Variants in ARHGAP15 observed in about 807,000 individuals in gnomAD.
The protein encoded by ARHGAP15 is rho GTPase-activating protein 15.
A neutral mutation model predicts 63.7 loss-of-function variants in ARHGAP15; 51 were observed. That is an observed-to-expected ratio of 0.80 (90% CI 0.64 to 1.01). The LOEUF is 1.01. ARHGAP15 is among the 50% of genes least tolerant of loss of function. The probability of loss-of-function intolerance (pLI) is 0.00; values close to 1 mark genes in which losing one functional copy is unlikely to be tolerated. For missense variants in ARHGAP15, 560 were observed against 564.6 expected, an observed-to-expected ratio of 0.99 and a Z score of 0.08; for synonymous variants, 191 against 193.8, an observed-to-expected ratio of 0.99 and a Z score of 0.12.
chr2:143,159,551 A>G (rs1232412381), intron 2 of ARHGAP15, among the ~76,000 whole-genome samples: 1 of 151,964 alleles, frequency 6.6e-6, no homozygotes, highest in Non-Finnish European at 1.5e-5. Flanking sequence ...GGCATCTCAA[A>G]CAAAGGTAAT....
At chr2:143,134,658 G>A (rs1300630112) in intron 1 of ARHGAP15, among the ~76,000 whole-genome samples, 5 of 137,322 alleles carry the variant, frequency 3.6e-5, no homozygotes, top group African/African-American at 8.2e-5. Context: ...TTTTTGAGAC[G>A]GAGTCTCACT....
intron 13 of ARHGAP15, among the ~76,000 whole-genome samples, chr2:143,766,009 A>G (rs937810292): frequency 1.3e-5 from 2 of 152,222 alleles, no homozygotes. Flanking sequence ...AGTATGTGCC[A>G]TGAGCTTGCT....
intron 12 of ARHGAP15, among the ~76,000 whole-genome samples, chr2:143,688,912 A>C (rs1683469699): frequency 6.6e-6 from 1 of 152,184 alleles, no homozygotes; most frequent in Non-Finnish European, 1.5e-5. Flanking sequence ...AGAATATATC[A>C]AGATAGTATA....
At chr2:143,352,307 C>A (rs1392006353) in intron 6 of ARHGAP15, among the ~76,000 whole-genome samples, 1 of 152,092 alleles carries the variant, frequency 6.6e-6, no homozygotes, top group Non-Finnish European at 1.5e-5. Flanking sequence ...TAAGAAGCTA[C>A]TACCAGAAAA....
intron 13 of ARHGAP15, among the ~76,000 whole-genome samples, chr2:143,707,908 A>AATGTAGAAAAGACTATAAAAATATTT (rs1684404988): frequency 6.6e-6 from 1 of 152,230 alleles, no homozygotes; most frequent in African/African-American, 2.4e-5. Context: ...AAAAGTTGTG[A>AATGTAGAAAAGACTATAAAAATATTT]ATGTAGAAAA....
chr2:143,652,058 G>T (rs930411268), intron 12 of ARHGAP15, among the ~76,000 whole-genome samples: 5 of 151,620 alleles, frequency 3.3e-5, no homozygotes, highest in African/African-American at 9.7e-5. Flanking sequence ...GTCCACTTTG[G>T]GTCATTGATC....
intron 6 of ARHGAP15, among the ~76,000 whole-genome samples, chr2:143,269,121 C>T (rs555686987): frequency 1.3e-5 from 2 of 152,216 alleles, no homozygotes; most frequent in East Asian, 1.9e-4. Context: ...GGGTTCATTA[C>T]GTTCAAATTC....
chr2:143,636,388 C>T (rs1680316356), intron 12 of ARHGAP15, among the ~76,000 whole-genome samples: 1 of 152,074 alleles, frequency 6.6e-6, no homozygotes, highest in African/African-American at 2.4e-5. Flanking sequence ...GTGCTTGTGT[C>T]ATGTTATGAA....
intron 6 of ARHGAP15, among the ~76,000 whole-genome samples, chr2:143,338,531 T>C (rs1433729004): frequency 6.6e-6 from 1 of 152,180 alleles, no homozygotes; most frequent in African/African-American, 2.4e-5. Context: ...GATCCTCTAT[T>C]TGATTACTCG....
At chr2:143,466,123 C>A (rs893236593) in intron 8 of ARHGAP15, among the ~76,000 whole-genome samples, 2 of 151,896 alleles carry the variant, frequency 1.3e-5, no homozygotes, top group South Asian at 2.1e-4. Flanking sequence ...CGGGTCCCAG[C>A]AAATATCCCC....
At chr2:143,613,401 T>C (rs1698334777) in intron 11 of ARHGAP15, among the ~76,000 whole-genome samples, 1 of 152,196 alleles carries the variant, frequency 6.6e-6, no homozygotes, top group Non-Finnish European at 1.5e-5. Context: ...CTGTTAGCAA[T>C]AGTCACACTT....
chr2:143,186,697 T>C (rs1691462168), intron 2 of ARHGAP15, among the ~76,000 whole-genome samples: 1 of 152,186 alleles, frequency 6.6e-6, no homozygotes, highest in Non-Finnish European at 1.5e-5. Context: ...GGACCACAAT[T>C]TGGGAATCAT....
chr2:143,182,800 G>A (rs1414608975), intron 2 of ARHGAP15, among the ~76,000 whole-genome samples: 1 of 152,158 alleles, frequency 6.6e-6, no homozygotes, highest in African/African-American at 2.4e-5. Flanking sequence ...TGTAATAAGA[G>A]ATCTGACTGT....
chr2:143,668,333 A>T (rs1485457410), intron 12 of ARHGAP15, among the ~76,000 whole-genome samples: 2 of 151,758 alleles, frequency 1.3e-5, no homozygotes, highest in East Asian at 3.9e-4. Context: ...TACAGAGCAA[A>T]GTTAGGCGGC....
intron 12 of ARHGAP15, among the ~76,000 whole-genome samples, chr2:143,689,738 G>C (rs1406513403): frequency 6.6e-6 from 1 of 152,138 alleles, no homozygotes; most frequent in African/African-American, 2.4e-5. Flanking sequence ...TAAAGCATTA[G>C]AATTCCAAGA....
At chr2:143,366,426 A>G (rs903010892) in intron 6 of ARHGAP15, among the ~76,000 whole-genome samples, 1 of 152,112 alleles carries the variant, frequency 6.6e-6, no homozygotes, top group Non-Finnish European at 1.5e-5. Context: ...ACAAATTTAT[A>G]TCAAACTGCC....
chr2:143,232,245 G>A (rs1270098799), intron 5 of ARHGAP15, among the ~76,000 whole-genome samples: 1 of 152,028 alleles, frequency 6.6e-6, no homozygotes, highest in Non-Finnish European at 1.5e-5. Flanking sequence ...ATAACAGAAA[G>A]GACATTATAA....
intron 1 of ARHGAP15, among the ~76,000 whole-genome samples, chr2:143,153,890 C>G (rs1689973752): frequency 1.0e-5 from 1 of 96,610 alleles, no homozygotes; most frequent in South Asian, 3.7e-4. Flanking sequence ...TCCTCCTCCT[C>G]CTCCTCCTCC....
At position 143,635,194 on chromosome 2, in the gene ARHGAP15, C is replaced by CTTTTT. The variant is rs10558886; in HGVS notation, c.1138+10952_1138+10956dup. On this transcript the variant is annotated intron_variant, in intron 12 of 13. Coordinates refer to ENST00000295095, the MANE Select transcript of ARHGAP15 (RefSeq NM_018460.4). ...AACTTTCATATTAACCTCTCAGGAG[C>CTTTTT]TTTTTTTTTTTTTTTTTTTTTTTTT... Among the ~76,000 whole-genome samples, 32 of 26,860 alleles carry CTTTTT rather than the reference C, an allele frequency of 1.2e-3. 1 individual carries two copies. Among genetic ancestry groups the CTTTTT allele is most frequent in the African/African-American group, 3.9e-3 (23 of 5,870 alleles). The allele number at this position is 26,860 out of a possible 152,430, so 17.6% of individuals were successfully genotyped here.
Sources: allele counts gnomAD v4.1 joint callset (sites outside exome capture counted in the v4.1 genomes callset), GRCh38; gene constraint gnomAD v4.1.1; transcripts MANE v1.5; gene names NCBI Gene and HGNC (gene_info 2026-07-23, HGNC 2026-07-21).